Variants in GUCA1C observed in about 807,000 individuals in gnomAD.
The protein encoded by GUCA1C is guanylate cyclase activator 1C, also known as guanylyl cyclase-activating protein 3.
GUCA1C carries 15 observed loss-of-function variants against 16.2 expected under a neutral mutation model. The observed-to-expected ratio is 0.93, with a 90% CI of 0.62 to 1.43. The LOEUF (loss-of-function observed/expected upper bound fraction) is 1.43, where lower values mean the gene tolerates loss of function less well. GUCA1C is among the 40% of genes most tolerant of loss of function. The pLI is 0.00. For synonymous variants in GUCA1C, 78 were observed against 85.4 expected, an observed-to-expected ratio of 0.91 and a Z score of 0.48; for missense variants, 275 against 244.8, an observed-to-expected ratio of 1.12 and a Z score of -0.82.
chr3:108,945,459 C>T (rs895237204), intron 1 of GUCA1C, among the ~76,000 whole-genome samples: 6 of 152,180 alleles, frequency 3.9e-5, no homozygotes, highest in Non-Finnish European at 7.3e-5. Context: ...TATTTTGACA[C>T]GTTTGCGCCA....
chr3:108,953,497 A>G, intron 1 of GUCA1C, 62 bp downstream of exon 1: 2 of 1,145,144 alleles, frequency 1.7e-6, no homozygotes, highest in South Asian at 1.4e-5. Flanking sequence ...GGAAAAAAAA[A>G]AAAAAGGGAA....
At position 108,923,026 on chromosome 3, in the gene GUCA1C, G is replaced by T. The variant is rs543608177; in HGVS notation, c.205-2441C>A. ...ACCCACTTTTTGGTGGGTTTGTTTG[G>T]TTTTTTCTTGTTAATTTGTTTGAGT... On this transcript the variant is annotated intron_variant, in intron 1 of 3. Transcript: ENST00000261047. Among the ~76,000 whole-genome samples, 33 of 152,020 alleles carry T rather than the reference G, an allele frequency of 2.2e-4. No homozygotes were observed. The South Asian group carries it at 2.7e-3, about 12-fold the overall frequency.
At chr3:108,909,518 A>G (rs1946426284) in intron 3 of GUCA1C, among the ~76,000 whole-genome samples, 1 of 152,214 alleles carries the variant, frequency 6.6e-6, no homozygotes, top group African/African-American at 2.4e-5. Flanking sequence ...TCCCAACCCC[A>G]AAGACTTTTC....
intron 1 of GUCA1C, among the ~76,000 whole-genome samples, chr3:108,943,525 G>T (rs1202348213): frequency 6.6e-6 from 1 of 152,118 alleles, no homozygotes; most frequent in African/African-American, 2.4e-5. Context: ...AGGAGATAAG[G>T]AGGGGGACTA....
chr3:108,917,051 T>C (rs371290176), intron 2 of GUCA1C, among the ~76,000 whole-genome samples: 39 of 152,350 alleles, frequency 2.6e-4, no homozygotes, highest in African/African-American at 9.1e-4. Context: ...TCATAATAAA[T>C]GATGGTAGCT....
intron 1 of GUCA1C, among the ~76,000 whole-genome samples, chr3:108,923,947 G>A (rs899212135): frequency 1.3e-5 from 2 of 152,152 alleles, no homozygotes; most frequent in Admixed American, 1.3e-4. Flanking sequence ...TTGATTCTCA[G>A]CTTGATCGCT....
chr3:108,910,798 C>T (rs1047949197), intron 3 of GUCA1C, among the ~76,000 whole-genome samples: 18 of 151,606 alleles, frequency 1.2e-4, no homozygotes, highest in Non-Finnish European at 2.2e-4. Context: ...TACAGGCGCC[C>T]ACCACCACAC....
chr3:108,939,978 G>T (rs546196086), intron 1 of GUCA1C, among the ~76,000 whole-genome samples: 3 of 152,178 alleles, frequency 2.0e-5, no homozygotes, highest in Admixed American at 1.3e-4. Context: ...TAAAATACAT[G>T]AATTACAACA....
At chr3:108,941,896 T>C (rs1350953302) in intron 1 of GUCA1C, among the ~76,000 whole-genome samples, 2 of 152,204 alleles carry the variant, frequency 1.3e-5, no homozygotes, top group African/African-American at 4.8e-5. Context: ...GAGCAAAAGT[T>C]CTAGTTGAGA....
At chr3:108,954,354 A>C (rs1488738319), upstream of GUCA1C, among the ~76,000 whole-genome samples, 1 of 152,194 alleles carries the variant, frequency 6.6e-6, no homozygotes, top group African/African-American at 2.4e-5. Context: ...AGGTAAAGAG[A>C]ATTAAATAGT....
At chr3:108,928,396 G>A (rs1377086532) in intron 1 of GUCA1C, among the ~76,000 whole-genome samples, 2 of 152,192 alleles carry the variant, frequency 1.3e-5, no homozygotes, top group Non-Finnish European at 1.5e-5. Flanking sequence ...TTGGTGGCTT[G>A]TCTTTTCATT....
chr3:108,911,935 G>A (rs371434180), intron 3 of GUCA1C, among the ~76,000 whole-genome samples: 166 of 151,874 alleles, frequency 1.1e-3, no homozygotes, highest in African/African-American at 3.9e-3. Flanking sequence ...GTGAAACCCC[G>A]TTTCTACTAA....
At chr3:108,924,102 C>T (rs1946596741) in intron 1 of GUCA1C, among the ~76,000 whole-genome samples, 1 of 152,106 alleles carries the variant, frequency 6.6e-6, no homozygotes, top group Non-Finnish European at 1.5e-5. Context: ...CAAGCAGCAA[C>T]AATTTGATTT....
chr3:108,943,228 G>A (rs528280655), intron 1 of GUCA1C, among the ~76,000 whole-genome samples: 3 of 152,224 alleles, frequency 2.0e-5, no homozygotes, highest in South Asian at 2.1e-4. Context: ...GCCAGGTATC[G>A]AGGGGGAGTG....
chr3:108,923,392 T>C (rs1466374156), intron 1 of GUCA1C, among the ~76,000 whole-genome samples: 3 of 152,204 alleles, frequency 2.0e-5, no homozygotes, highest in Non-Finnish European at 4.4e-5. Flanking sequence ...CCCAGCACCA[T>C]TTGATGAATA....
At chr3:108,941,166 C>T (rs141842768) in intron 1 of GUCA1C, among the ~76,000 whole-genome samples, 235 of 152,320 alleles carry the variant, frequency 1.5e-3, no homozygotes, top group African/African-American at 5.5e-3. Flanking sequence ...CTGTAATAAT[C>T]ATTATTCAAA....
chr3:108,910,942 A>G (rs1489749221), intron 3 of GUCA1C, among the ~76,000 whole-genome samples: 3 of 151,896 alleles, frequency 2.0e-5, no homozygotes, highest in Non-Finnish European at 1.5e-5. Flanking sequence ...GAGCCACCGC[A>G]CCCGGCCGAC....
intron 3 of GUCA1C, among the ~76,000 whole-genome samples, chr3:108,912,582 A>T (rs987010914): frequency 5.3e-5 from 8 of 152,064 alleles, no homozygotes; most frequent in Non-Finnish European, 1.0e-4. Context: ...TGTAAAGAAA[A>T]GAAAAAAATT....
chr3:108,920,395 T>C lies in GUCA1C; in HGVS notation c.354+41A>G, dbSNP rs772246024. ...CCATAGGAAGGGAAATTGGGTTAAC[T>C]ATATAGCGGCCTGAAAAGGATACTT... On this transcript the variant is annotated intron_variant, in intron 2 of 3. Transcript: ENST00000261047. The C allele has an allele frequency of 2.6e-5, 39 of 1,527,592 alleles. No individual in the cohort carries two copies. In the South Asian group the frequency reaches 3.0e-4, roughly 12 times the overall value. 94.6% of individuals were successfully genotyped at this position (1,527,592 alleles called of 1,614,324 possible).
Sources: gnomAD v4.1 joint callset for allele counts (sites outside exome capture counted in the v4.1 genomes callset) on GRCh38, gnomAD v4.1.1 for gene constraint, MANE v1.5 for transcripts, NCBI Gene and HGNC (gene_info 2026-07-23, HGNC 2026-07-21) for gene names.